Variants in EPN1 observed in about 807,000 individuals in gnomAD.
The protein encoded by EPN1 is epsin 1.
Under a neutral mutation model 56.9 loss-of-function variants are expected in EPN1, and 25 were observed. The ratio of observed to expected loss-of-function variants is 0.44; its 90% CI spans 0.32 to 0.61. The LOEUF (loss-of-function observed/expected upper bound fraction) is 0.61. EPN1 is among the 20% of genes least tolerant of loss of function. The pLI is 0.05. For synonymous variants in EPN1, 411 were observed against 361.8 expected, an observed-to-expected ratio of 1.14 and a Z score of -1.54; for missense variants, 785 against 823.7, an observed-to-expected ratio of 0.95 and a Z score of 0.58.
rs1799257742 is a variant in EPN1 at position 55,706,438 on chromosome 19, G to C, written c.*11082G>C. ...AGGCTGAGGCGGGTGGATCACCTGA[G>C]GTTGGGAGTTCGAGACCAGCCTGGC... is the stretch of plus-strand genomic sequence containing the variant. On this transcript the variant is annotated 3_prime_UTR_variant, in exon 11 of 11. Transcript: ENST00000270460. The C allele has an allele frequency of 6.6e-6, 1 of 152,218 alleles. No homozygotes were observed. Among genetic ancestry groups the C allele is most frequent in the Non-Finnish European group, 1.5e-5 (1 of 68,294 alleles). 9.4% of individuals were successfully genotyped at this position (152,218 alleles called of 1,614,324 possible). A position where few individuals can be genotyped will look rare whatever the true frequency, so the allele number is the denominator to read the frequency against.
intron 9 of EPN1, among the ~76,000 whole-genome samples, chr19:55,693,939 G>T (rs1986743695): frequency 6.6e-6 from 1 of 152,134 alleles, no homozygotes; most frequent in East Asian, 1.9e-4. Flanking sequence ...AATCAGGCCA[G>T]GCGCAATGGC....
At position 55,690,062 on chromosome 19, in the gene EPN1, A is replaced by G. The variant is rs550097728; in HGVS notation, c.762+112A>G. Reference sequence around the variant, plus strand: ...CAGAGACTGAAACACAAGGTCCTGGAGCTGGGCACCGGGTTTCCAGGCTTG... The same window carrying G: ...CAGAGACTGAAACACAAGGTCCTGGGGCTGGGCACCGGGTTTCCAGGCTTG... On this transcript the variant is annotated intron_variant, in intron 6 of 10. Transcript: ENST00000270460. 1.9e-4 allele frequency: 201 copies of G among 1,058,666 alleles called. 1 individual carries two copies. In the South Asian group the frequency reaches 2.9e-3, roughly 15 times the overall value. 65.6% of individuals were successfully genotyped at this position (1,058,666 alleles called of 1,614,324 possible).
Position 55,689,313 on chromosome 19 carries a change from C to T in EPN1, c.620C>T (p.Pro207Leu). The T allele has an allele frequency of 6.5e-7, 1 of 1,550,308 alleles. No homozygotes were observed. The highest frequency in any genetic ancestry group is 8.7e-7 in the Non-Finnish European group (1 of 1,146,430). The change falls in exon 5 of 11, where the codon CCC (proline) becomes CTC (leucine). Residue 207 changes from proline to leucine, a missense_variant. By Grantham distance (98) the Pro-to-Leu change is moderately conservative (BLOSUM62 -3). Around this residue, in one of 2 missense-constraint regions of EPN1, gnomAD observed 650 missense variants for 605.0 expected, o/e 1.07. Coordinates refer to ENST00000270460, the MANE Select transcript of EPN1 (RefSeq NM_001130072.2). This position sits in a 1 kb window ranked among gnomAD's most constrained non-coding sequence, Gnocchi z 5.7. ...EEADQPPSCG[P>L]EDDAQLQLAL... ...CTCCCCCAGCCCCCGTCCTGCGGCC[C>T]CGAGGACGACGCCCAGCTCCAGCTG... is the stretch of plus-strand genomic sequence containing the variant.
chr19:55,686,833 TG>T (rs1422626688), intron 3 of EPN1, among the ~76,000 whole-genome samples: 1 of 145,158 alleles, frequency 6.9e-6, no homozygotes, highest in Non-Finnish European at 1.5e-5. Flanking sequence ...GTGGCGGGGT[TG>T]GGGTGGACGG....
chr19:55,696,533 T>G lies in EPN1; in HGVS notation c.*1177T>G, dbSNP rs940856800. The G allele has an allele frequency of 1.3e-5, 2 of 152,414 alleles. No individual in the cohort carries two copies. Among genetic ancestry groups the G allele is most frequent in the Non-Finnish European group, 2.9e-5 (2 of 68,214 alleles). The allele number at this position is 152,414 out of a possible 1,614,324, so 9.4% of individuals were successfully genotyped here. A position where few individuals can be genotyped will look rare whatever the true frequency, so the allele number is the denominator to read the frequency against. ...CTCCCTCAGTGACTCCGACAGCTCTTGTCTCAGAGGTGCTGGGGTGAAGGC... is the reference window on the plus strand; with the variant it reads ...CTCCCTCAGTGACTCCGACAGCTCTGGTCTCAGAGGTGCTGGGGTGAAGGC... On this transcript the variant is annotated 3_prime_UTR_variant, in exon 11 of 11. Coordinates refer to ENST00000270460, the MANE Select transcript of EPN1 (RefSeq NM_001130072.2).
In EPN1 at chr19:55,699,365, C is replaced by G. The variant is rs1441253128; in HGVS notation, c.*4009C>G. ...TTCCCGGGTGTGGCGTGAGCCATTGCGTCCGGCCAGAAATGTTTTATTTCT... is the reference window on the plus strand; with the variant it reads ...TTCCCGGGTGTGGCGTGAGCCATTGGGTCCGGCCAGAAATGTTTTATTTCT... On this transcript the variant is annotated 3_prime_UTR_variant, in exon 11 of 11. Transcript: ENST00000270460. 1 of 152,154 alleles carries G rather than the reference C, an allele frequency of 6.6e-6. No homozygotes were observed. The highest frequency in any genetic ancestry group is 1.5e-5 in the Non-Finnish European group (1 of 68,032). 9.4% of individuals were successfully genotyped at this position (152,154 alleles called of 1,614,324 possible).
rs78849392 is a variant in EPN1, at chr19:55,705,147, A to G, written c.*9791A>G. The G allele has an allele frequency of 0.018, 2,732 of 152,354 alleles. 34 individuals are homozygous for G. The highest frequency in any genetic ancestry group is 0.028 in the Non-Finnish European group (1,891 of 68,040). The allele number at this position is 152,354 out of a possible 1,614,324, so 9.4% of individuals were successfully genotyped here. On this transcript the variant is annotated 3_prime_UTR_variant, in exon 11 of 11. Transcript: ENST00000270460. ...AGGTTTCTGAGTAAGCTCTGACCCA[A>G]TCATTGACTATTAAACTTCAGAGGT...
Position 55,705,078 on chromosome 19 carries a change from G to C in EPN1, c.*9722G>C, listed in dbSNP as rs1226224138. 2 of 152,254 alleles carry C rather than the reference G, an allele frequency of 1.3e-5. No individual in the cohort carries two copies. The highest frequency in any genetic ancestry group is 2.9e-5 in the Non-Finnish European group (2 of 68,056). 9.4% of individuals were successfully genotyped at this position (152,254 alleles called of 1,614,324 possible). ...GCCACACAGTGAATGTGCTACTCAAGCCACTCAGCCTGGGCTGCAGAGGTT... is the reference window on the plus strand; with the variant it reads ...GCCACACAGTGAATGTGCTACTCAACCCACTCAGCCTGGGCTGCAGAGGTT... On this transcript the variant is annotated 3_prime_UTR_variant, in exon 11 of 11. Coordinates refer to ENST00000270460, the MANE Select transcript of EPN1 (RefSeq NM_001130072.2).
At position 55,708,816 on chromosome 19, in the gene EPN1, G is replaced by C; in HGVS notation, c.*13460G>C. 1.3e-6 allele frequency: 1 copy of C among 798,102 alleles called. No homozygotes were observed. Among genetic ancestry groups the C allele is most frequent in the East Asian group, 2.9e-5 (1 of 34,348 alleles). The allele number at this position is 798,102 out of a possible 1,614,324, so 49.4% of individuals were successfully genotyped here. ...GTACCTCTGAAATCACAGCCCTGCTGCCATGATGTGCAATTACAGGATAGA... is the reference window on the plus strand; with the variant it reads ...GTACCTCTGAAATCACAGCCCTGCTCCCATGATGTGCAATTACAGGATAGA... On this transcript the variant is annotated 3_prime_UTR_variant, in exon 11 of 11. Coordinates refer to ENST00000270460, the MANE Select transcript of EPN1 (RefSeq NM_001130072.2).
In EPN1 at chr19:55,689,921, A is replaced by C; in HGVS notation, c.733A>C (p.Ser245Arg). 1 of 1,604,930 alleles carries C rather than the reference A, an allele frequency of 6.2e-7. No individual in the cohort carries two copies. Among genetic ancestry groups the C allele is most frequent in the Non-Finnish European group, 8.5e-7 (1 of 1,176,218 alleles). Residue 245 changes from serine to arginine, a missense_variant, in exon 6 of 11, where the codon AGC becomes CGC. Coordinates refer to ENST00000270460, the MANE Select transcript of EPN1 (RefSeq NM_001130072.2). The surrounding 1 kb of genome is among the most constrained non-coding windows in gnomAD (Gnocchi z 5.7). The part of the protein sequence containing the change: ...DLRLQMAIEE[S>R]KRETGGKEES... ...GCGGCTGCAGATGGCAATCGAGGAG[A>C]GCAAGAGGGAGACTGGGGGCAAGGA... is the stretch of plus-strand genomic sequence containing the variant.
chr19:55,691,666 C>A lies in EPN1; in HGVS notation c.763-88C>A. 1.6e-6 allele frequency: 2 copies of A among 1,236,598 alleles called. No individual in the cohort carries two copies. The highest frequency in any genetic ancestry group is 1.9e-5 in the Admixed American group (1 of 52,264). 76.6% of individuals were successfully genotyped at this position (1,236,598 alleles called of 1,614,324 possible). On this transcript the variant is annotated intron_variant, in intron 6 of 10. Transcript: ENST00000270460. This position sits in a 1 kb window ranked among gnomAD's most constrained non-coding sequence, Gnocchi z 5.6. ...GCTGTCTGGACACCCAGGGCCTGGC[C>A]GCCTCCCCCGCCACGGGCCCCAGCT...
In EPN1 at chr19:55,702,230, G is replaced by A. The variant is rs1385817503; in HGVS notation, c.*6874G>A. On this transcript the variant is annotated 3_prime_UTR_variant, in exon 11 of 11. Transcript: ENST00000270460. ...CCTGCCTCGGCCTCCCAAAGTAGTG[G>A]GATTGCAGGCGTGAGCCACCGCGCC... 1 of 150,698 alleles carries A rather than the reference G, an allele frequency of 6.6e-6. No individual in the cohort carries two copies. The highest frequency in any genetic ancestry group is 2.4e-5 in the African/African-American group (1 of 40,820). 9.3% of individuals were successfully genotyped at this position (150,698 alleles called of 1,614,324 possible). A position where few individuals can be genotyped will look rare whatever the true frequency, so the allele number is the denominator to read the frequency against.
At position 55,691,891 on chromosome 19, in the gene EPN1, T is replaced by C; in HGVS notation, c.900T>C (p.Pro300=). ...CCTCGGACCCCTGGGGCGGCCCCCCTGTCCCTCCAGCTGCTGATCCCTGGG... is the reference window on the plus strand; with the variant it reads ...CCTCGGACCCCTGGGGCGGCCCCCCCGTCCCTCCAGCTGCTGATCCCTGGG... ...APTSDPWGGP[P]VPPAADPWGG... is the part of the protein sequence containing the mutation. The change falls in exon 7 of 11, where the codon CCT becomes CCC. Residue 300 remains proline, a synonymous_variant. Transcript: ENST00000270460. The surrounding 1 kb of genome is among the most constrained non-coding windows in gnomAD (Gnocchi z 5.6). 6.3e-7 allele frequency: 1 copy of C among 1,599,558 alleles called. No individual in the cohort carries two copies. Among genetic ancestry groups the C allele is most frequent in the South Asian group, 1.1e-5 (1 of 90,106 alleles).
At chr19:55,680,465 G>A (rs572396477) in intron 2 of EPN1, among the ~76,000 whole-genome samples, 9 of 152,294 alleles carry the variant, frequency 5.9e-5, no homozygotes, top group Middle Eastern at 3.4e-3. Context: ...CTGAGGACAC[G>A]GGGTTCCCGC....
intron 1 of EPN1, 24 bp downstream of exon 1, chr19:55,675,459 G>T (rs943697061): frequency 6.6e-6 from 1 of 152,234 alleles, no homozygotes; most frequent in Non-Finnish European, 1.5e-5. Flanking sequence ...GGAGCGCGGG[G>T]GACGCTGGCC....
chr19:55,677,038 G>A (rs766783413), intron 1 of EPN1: 110 of 1,425,680 alleles, frequency 7.7e-5, no homozygotes, highest in Non-Finnish European at 1.0e-4. Flanking sequence ...AGCTACATCT[G>A]TCTTCAGGTG....
In EPN1 at chr19:55,677,787, C is replaced by T. The variant is rs1006905470; in HGVS notation, c.-101-740C>T. The T allele has an allele frequency of 5.5e-6, 8 of 1,451,138 alleles. No homozygotes were observed. In the African/African-American group the frequency reaches 5.8e-5, roughly 10 times the overall value. 89.9% of individuals were successfully genotyped at this position (1,451,138 alleles called of 1,614,324 possible). A position where few individuals can be genotyped will look rare whatever the true frequency, so the allele number is the denominator to read the frequency against. On this transcript the variant is annotated intron_variant, in intron 1 of 10. Transcript: ENST00000270460. ...TTAATCCCTTCATCAGCCTTCTTTC[C>T]CATGTGTCCTTGTTTCTGCTGTGGA...
Position 55,685,409 on chromosome 19 carries a change from T to C in EPN1, c.242T>C (p.Met81Thr). Residue 81 changes from methionine to threonine, a missense_variant, in exon 3 of 11, where the codon ATG becomes ACG. Coordinates refer to ENST00000270460, the MANE Select transcript of EPN1 (RefSeq NM_001130072.2). Reference sequence around the variant, plus strand: ...GCCCGCTCGCAGGCCATGACGCTGATGGAGTACCTCATCAAGACCGGCTCG... The same window carrying C: ...GCCCGCTCGCAGGCCATGACGCTGACGGAGTACCTCATCAAGACCGGCTCG... ...WRHVYKAMTL[M>T]EYLIKTGSER... The C allele has an allele frequency of 6.2e-7, 1 of 1,611,232 alleles. No individual in the cohort carries two copies. The highest frequency in any genetic ancestry group is 1.1e-5 in the South Asian group (1 of 90,516).
intron 2 of EPN1, among the ~76,000 whole-genome samples, chr19:55,681,825 A>G (rs1985838828): frequency 6.6e-6 from 1 of 150,902 alleles, no homozygotes; most frequent in African/African-American, 2.5e-5. Flanking sequence ...TAACTTTTTT[A>G]GAGACAAAGT....
Sources: gnomAD v4.1 joint callset for allele counts (sites outside exome capture counted in the v4.1 genomes callset) on GRCh38, gnomAD v4.1.1 for gene constraint, gnomAD v4.1.1 regional missense constraint, Gnocchi (gnomAD v3.1) non-coding constraint, MANE v1.5 for transcripts, NCBI Gene and HGNC (gene_info 2026-07-23, HGNC 2026-07-21) for gene names.